KCNH8: variants seen among roughly 807,000 people sequenced by gnomAD.
KCNH8 encodes the protein potassium voltage-gated channel subfamily H member 8.
In KCNH8, 70 loss-of-function variants were observed where a neutral mutation model predicts 103.6. That is an observed-to-expected ratio of 0.68 (90% CI 0.56 to 0.82). The LOEUF is 0.82. KCNH8 is among the 40% of genes least tolerant of loss of function. KCNH8 has a pLI of 0.00. For synonymous variants in KCNH8, 498 were observed against 489.4 expected, an observed-to-expected ratio of 1.02 and a Z score of -0.23; for missense variants, 1,217 against 1,329.9, an observed-to-expected ratio of 0.92 and a Z score of 1.32.
intron 7 of KCNH8, among the ~76,000 whole-genome samples, chr3:19,434,175 C>G (rs1377141234): frequency 1.3e-5 from 2 of 151,890 alleles, no homozygotes; most frequent in Middle Eastern, 3.2e-3. Context: ...CAAAAACACC[C>G]CAAAAATTAT....
chr3:19,466,186 A>G (rs1236320659), intron 11 of KCNH8, among the ~76,000 whole-genome samples: 1 of 152,058 alleles, frequency 6.6e-6, no homozygotes, highest in East Asian at 1.9e-4. Context: ...TCAGCCTCCC[A>G]AAGTGTTGGG....
chr3:19,429,470 G>A (rs759610863), intron 7 of KCNH8, among the ~76,000 whole-genome samples: 6 of 152,064 alleles, frequency 3.9e-5, no homozygotes, highest in Non-Finnish European at 5.9e-5. Flanking sequence ...CACCGCGCCC[G>A]GCCGGAATCC....
At chr3:19,295,612 G>T (rs1205666651) in intron 3 of KCNH8, among the ~76,000 whole-genome samples, 1 of 152,104 alleles carries the variant, frequency 6.6e-6, no homozygotes, top group Non-Finnish European at 1.5e-5. Flanking sequence ...CTGAGGACAG[G>T]CTGGAGACCT....
chr3:19,377,500 GT>G (rs1438026168), intron 5 of KCNH8, among the ~76,000 whole-genome samples: 1 of 152,156 alleles, frequency 6.6e-6, no homozygotes, highest in Non-Finnish European at 1.5e-5. Flanking sequence ...GAATCATCTG[GT>G]TTTTCCTGAA....
intron 11 of KCNH8, among the ~76,000 whole-genome samples, chr3:19,471,273 G>A (rs1229542014): frequency 3.3e-5 from 5 of 152,146 alleles, no homozygotes; most frequent in Non-Finnish European, 7.3e-5. Context: ...AACAGGCATG[G>A]CTCCATTTAC....
intron 11 of KCNH8, among the ~76,000 whole-genome samples, chr3:19,457,468 T>C (rs904061540): frequency 6.6e-6 from 1 of 152,054 alleles, no homozygotes; most frequent in African/African-American, 2.4e-5. Context: ...AAGCGAAGGA[T>C]TGTCACACTG....
chr3:19,186,287 T>TAAAAAAAAA (rs201199269), intron 1 of KCNH8, among the ~76,000 whole-genome samples: 6 of 106,366 alleles, frequency 5.6e-5, no homozygotes, highest in Non-Finnish European at 8.9e-5. Context: ...TTAAAAAATG[T>TAAAAAAAAA]AAAAAAAAAA....
chr3:19,273,458 T>C (rs1369196170), intron 2 of KCNH8, among the ~76,000 whole-genome samples: 1 of 152,148 alleles, frequency 6.6e-6, no homozygotes, highest in African/African-American at 2.4e-5. Flanking sequence ...CAGAGGATCA[T>C]TGAAAAGATA....
intron 5 of KCNH8, among the ~76,000 whole-genome samples, chr3:19,376,534 T>C (rs1434835764): frequency 3.9e-5 from 6 of 152,108 alleles, no homozygotes; most frequent in Non-Finnish European, 8.8e-5. Context: ...GTACCTCAGA[T>C]GGAAATGCAG....
Position 19,362,288 on chromosome 3 carries a change from T to C in KCNH8, c.811+14323T>C, listed in dbSNP as rs116340387. ...AGGCCCCAAAGCTTAAATAGCTTTT[T>C]TAAAAATGTGTTAAACATTGTGAGG... On this transcript the variant is annotated intron_variant, in intron 5 of 15. Coordinates refer to ENST00000328405, the MANE Select transcript of KCNH8 (RefSeq NM_144633.3). Among the ~76,000 whole-genome samples the C allele has an allele frequency of 8.1e-3, 1,237 of 152,242 alleles. 14 individuals are homozygous for C. The highest frequency in any genetic ancestry group is 0.028 in the African/African-American group (1,151 of 41,548).
chr3:19,476,707 T>C (rs772118834), intron 11 of KCNH8, among the ~76,000 whole-genome samples: 5 of 152,118 alleles, frequency 3.3e-5, no homozygotes, highest in Non-Finnish European at 7.4e-5. Context: ...GCTGAGAGAT[T>C]TGTAGTCAGT....
At chr3:19,217,760 T>C (rs2063831945) in intron 1 of KCNH8, among the ~76,000 whole-genome samples, 1 of 152,212 alleles carries the variant, frequency 6.6e-6, no homozygotes, top group Non-Finnish European at 1.5e-5. Context: ...CTAGCCCATT[T>C]GTACGGTCGC....
intron 11 of KCNH8, among the ~76,000 whole-genome samples, chr3:19,489,095 G>A (rs113386756): frequency 3.9e-5 from 6 of 152,248 alleles, no homozygotes; most frequent in South Asian, 2.1e-4. Context: ...GTCTTAGGCC[G>A]TAAGCAAGCT....
intron 11 of KCNH8, among the ~76,000 whole-genome samples, chr3:19,503,813 G>T (rs1175984097): frequency 6.6e-6 from 1 of 151,716 alleles, no homozygotes; most frequent in African/African-American, 2.4e-5. Flanking sequence ...AGCATTAGGA[G>T]ATATACCTAA....
intron 2 of KCNH8, among the ~76,000 whole-genome samples, chr3:19,257,912 T>C (rs2064366933): frequency 6.6e-6 from 1 of 152,034 alleles, no homozygotes; most frequent in Admixed American, 6.6e-5. Context: ...CCTCTCACTT[T>C]GCTGCTGGTG....
chr3:19,258,092 C>T (rs1231582463), intron 2 of KCNH8, among the ~76,000 whole-genome samples: 1 of 151,994 alleles, frequency 6.6e-6, no homozygotes. Context: ...CTCCTTTTAA[C>T]TTGATTACCT....
At chr3:19,319,929 A>G (rs1282279191) in intron 3 of KCNH8, among the ~76,000 whole-genome samples, 1 of 151,900 alleles carries the variant, frequency 6.6e-6, no homozygotes. Context: ...AACTATTGTA[A>G]AAGGGGTTGA....
intron 11 of KCNH8, among the ~76,000 whole-genome samples, chr3:19,472,396 AC>A (rs2067881290): frequency 6.6e-6 from 1 of 152,058 alleles, no homozygotes; most frequent in East Asian, 1.9e-4. Flanking sequence ...TGTGGGAGGG[AC>A]CAAGTGGGAG....
At chr3:19,216,204 G>C (rs1164953581) in intron 1 of KCNH8, among the ~76,000 whole-genome samples, 1 of 152,186 alleles carries the variant, frequency 6.6e-6, no homozygotes, top group East Asian at 1.9e-4. Context: ...TTAGCTTGCT[G>C]GTTTGTGGAA....
Sources: gnomAD v4.1 joint callset for allele counts (sites outside exome capture counted in the v4.1 genomes callset) on GRCh38, gnomAD v4.1.1 for gene constraint, MANE v1.5 for transcripts, NCBI Gene and HGNC (gene_info 2026-07-23, HGNC 2026-07-21) for gene names.